Variants in CDH18 observed in about 807,000 individuals in gnomAD.
CDH18 encodes the protein cadherin-18.
Under a neutral mutation model 67.9 loss-of-function variants are expected in CDH18, and 31 were observed. That is an observed-to-expected ratio of 0.46 (90% CI 0.34 to 0.62). The LOEUF is 0.62. CDH18 is among the 20% of genes least tolerant of loss of function. The pLI is 0.01. For missense variants in CDH18, 890 were observed against 975.5 expected (o/e 0.91, Z 1.17); for synonymous variants, 362 against 347.2 (o/e 1.04, Z -0.48).
intron 7 of CDH18, among the ~76,000 whole-genome samples, chr5:19,574,061 T>G (rs1741897038): frequency 6.6e-6 from 1 of 152,198 alleles, no homozygotes; most frequent in Admixed American, 6.5e-5. Context: ...TATTTTTGGC[T>G]TTCACATCTT....
At chr5:20,536,291 G>A (rs1756714887) in intron 1 of CDH18, among the ~76,000 whole-genome samples, 1 of 151,984 alleles carries the variant, frequency 6.6e-6, no homozygotes, top group Non-Finnish European at 1.5e-5. Flanking sequence ...TTGGGACTGG[G>A]GGAAAATAAT....
chr5:19,962,037 T>C (rs1346834106), intron 2 of CDH18, among the ~76,000 whole-genome samples: 1 of 152,030 alleles, frequency 6.6e-6, no homozygotes, highest in Non-Finnish European at 1.5e-5. Flanking sequence ...TGATATGTTA[T>C]GATCTTTTCA....
At chr5:19,549,726 GAAGA>G (rs1269076540) in intron 8 of CDH18, among the ~76,000 whole-genome samples, 3 of 130,582 alleles carry the variant, frequency 2.3e-5, no homozygotes, top group African/African-American at 8.9e-5. Context: ...AGAAAGGAAG[GAAGA>G]AAGAGAAAGA....
intron 3 of CDH18, among the ~76,000 whole-genome samples, chr5:19,753,604 G>T (rs1486544241): frequency 6.6e-6 from 1 of 152,170 alleles, no homozygotes; most frequent in Non-Finnish European, 1.5e-5. Flanking sequence ...ACATATCTGG[G>T]GGAAAAAATT....
intron 1 of CDH18, among the ~76,000 whole-genome samples, chr5:20,422,432 C>A (rs1747935446): frequency 6.6e-6 from 1 of 150,696 alleles, no homozygotes. Context: ...TAATATTAAT[C>A]TTTATAGCCA....
At chr5:20,097,487 A>G (rs2150571602) in intron 2 of CDH18, among the ~76,000 whole-genome samples, 1 of 152,270 alleles carries the variant, frequency 6.6e-6, no homozygotes, top group Admixed American at 6.5e-5. Flanking sequence ...ATCCGCCCCC[A>G]AGATTCAGTT....
chr5:19,889,069 A>G (rs142221115), intron 2 of CDH18, among the ~76,000 whole-genome samples: 248 of 152,252 alleles, frequency 1.6e-3, no homozygotes, highest in South Asian at 5.6e-3. Context: ...TAGATTGCTT[A>G]TAACCTAATA....
intron 10 of CDH18, among the ~76,000 whole-genome samples, chr5:19,518,247 A>C (rs989164629): frequency 2.0e-5 from 3 of 152,196 alleles, no homozygotes; most frequent in African/African-American, 4.8e-5. Flanking sequence ...CTGTGTCCTC[A>C]TTCATATTTC....
chr5:19,994,855 T>TATATATATATATATAGAGAGAGAG lies in CDH18; in HGVS notation c.-517-2842_-517-2841insCTCTCTCTCTATATATATATATAT, dbSNP rs760777430. On this transcript the variant is annotated intron_variant, in intron 2 of 14. Coordinates refer to the CDH18 transcript ENST00000507958. The stretch of plus-strand genomic sequence containing the variant: ...ATATATATATATATATATATATATA[T>TATATATATATATATAGAGAGAGAG]AGAGAGAGAGAGAGAGAGAGAGATG... Among the ~76,000 whole-genome samples, 9 of 67,586 alleles carry TATATATATATATATAGAGAGAGAG rather than the reference T, an allele frequency of 1.3e-4. 1 individual carries two copies. Among genetic ancestry groups the TATATATATATATATAGAGAGAGAG allele is most frequent in the Non-Finnish European group, 1.8e-4 (7 of 39,466 alleles). The allele number at this position is 67,586 out of a possible 152,430, so 44.3% of individuals were successfully genotyped here.
rs573517217 is a variant in CDH18 at position 19,811,078 on chromosome 5, AAAAGAAAGAAAGAAAGAAAGAAAGAAAG to A, written c.228+27653_228+27680del. On this transcript the variant is annotated intron_variant, in intron 3 of 12. Coordinates refer to ENST00000382275, the MANE Select transcript of CDH18 (RefSeq NM_004934.5). Reference sequence around the variant, plus strand: ...AAGGAAAAGGGAAGGGAGAAAGAGAAAAAGAAAGAAAGAAAGAAAGAAAGAAAGAAAGAAAGAAAGAAAGAAAGAAAGA... The same window carrying A: ...AAGGAAAAGGGAAGGGAGAAAGAGAAAAAGAAAGAAAGAAAGAAAGAAAGA... 3.0e-4 allele frequency among the ~76,000 whole-genome samples: 38 copies of A among 124,884 alleles called. 1 individual carries two copies. In the East Asian group the frequency reaches 8.8e-3, roughly 29 times the overall value. 81.9% of individuals were successfully genotyped at this position (124,884 alleles called of 152,430 possible).
chr5:20,367,285 T>G (rs986057352), intron 1 of CDH18, among the ~76,000 whole-genome samples: 1 of 152,134 alleles, frequency 6.6e-6, no homozygotes, highest in African/African-American at 2.4e-5. Flanking sequence ...ACCTTGGGTT[T>G]AACACAATCA....
At chr5:20,574,184 A>G (rs1173992558) in intron 1 of CDH18, among the ~76,000 whole-genome samples, 2 of 151,644 alleles carry the variant, frequency 1.3e-5, no homozygotes, top group Non-Finnish European at 2.9e-5. Context: ...AGAAGACAAA[A>G]TGAACGTCAT....
intron 1 of CDH18, among the ~76,000 whole-genome samples, chr5:20,358,221 C>A (rs1191650197): frequency 6.6e-6 from 1 of 152,096 alleles, no homozygotes; most frequent in Non-Finnish European, 1.5e-5. Context: ...ACTACCTGGG[C>A]AAAAGGTTCA....
chr5:19,483,860 C>G (rs1313924467), intron 11 of CDH18, among the ~76,000 whole-genome samples: 1 of 152,152 alleles, frequency 6.6e-6, no homozygotes, highest in East Asian at 1.9e-4. Flanking sequence ...ATGCGGACGG[C>G]CTGAAGTCAT....
At chr5:20,288,084 T>C (rs955117467) in intron 1 of CDH18, among the ~76,000 whole-genome samples, 4 of 151,700 alleles carry the variant, frequency 2.6e-5, no homozygotes, top group Admixed American at 2.6e-4. Context: ...CATTTTTTTT[T>C]TGTCACTGTG....
At chr5:19,976,655 T>C (rs904239765) in intron 2 of CDH18, among the ~76,000 whole-genome samples, 1 of 152,070 alleles carries the variant, frequency 6.6e-6, no homozygotes, top group Admixed American at 6.6e-5. Flanking sequence ...ATTAGAAAGA[T>C]TGGTAGAATC....
chr5:20,046,003 T>C (rs1740861485), intron 2 of CDH18, among the ~76,000 whole-genome samples: 1 of 151,996 alleles, frequency 6.6e-6, no homozygotes, highest in Admixed American at 6.6e-5. Flanking sequence ...AGGAGTATGA[T>C]TTGATTTAGA....
intron 1 of CDH18, among the ~76,000 whole-genome samples, chr5:20,288,194 G>T (rs983965076): frequency 1.3e-5 from 2 of 151,622 alleles, no homozygotes; most frequent in Non-Finnish European, 3.0e-5. Flanking sequence ...TACCAATTCA[G>T]AGGCAGAATC....
chr5:19,589,415 A>G lies in CDH18; in HGVS notation c.999+1642T>C, dbSNP rs1744728114. ...AGTTGTCAGATTAATCTTTTAGAAA[A>G]AATTAATCCAGTTTACCTGAATTAT... is the stretch of plus-strand genomic sequence containing the variant. On this transcript the variant is annotated intron_variant, in intron 7 of 12. Transcript: ENST00000382275. 2.0e-5 allele frequency among the ~76,000 whole-genome samples: 3 copies of G among 152,108 alleles called. No homozygotes were observed. The South Asian group carries it at 6.2e-4, about 31-fold the overall frequency.
Sources: allele counts gnomAD v4.1 joint callset (sites outside exome capture counted in the v4.1 genomes callset), GRCh38; gene constraint gnomAD v4.1.1; transcripts MANE v1.5; gene names NCBI Gene and HGNC (gene_info 2026-07-23, HGNC 2026-07-21).